Variants in TMEM132C observed in about 807,000 individuals in gnomAD.
TMEM132C encodes transmembrane protein 132C.
A neutral mutation model predicts 61.4 loss-of-function variants in TMEM132C; 29 were observed. That is an observed-to-expected ratio of 0.47 (90% CI 0.35 to 0.64). The LOEUF is 0.64. Among genes scored for constraint, TMEM132C ranks in the 30% least tolerant of loss-of-function variants. The pLI is 0.00. For synonymous variants in TMEM132C, 656 were observed against 633.1 expected (o/e 1.04, Z -0.54); for missense variants, 1,408 against 1,476.9 (o/e 0.95, Z 0.76).
At chr12:128,402,621 C>T (rs1334344225) in intron 1 of TMEM132C, among the ~76,000 whole-genome samples, 1 of 149,414 alleles carries the variant, frequency 6.7e-6, no homozygotes, top group African/African-American at 2.4e-5. Flanking sequence ...CAGAACCCAC[C>T]TGCAGACGGA....
chr12:128,333,326 G>A (rs565682280), intron 1 of TMEM132C, among the ~76,000 whole-genome samples: 5 of 152,118 alleles, frequency 3.3e-5, no homozygotes, highest in South Asian at 2.1e-4. Flanking sequence ...ATGTGTGTGC[G>A]AGTGTTGTGT....
chr12:128,467,587 G>A (rs956129247), intron 2 of TMEM132C, among the ~76,000 whole-genome samples: 20 of 152,210 alleles, frequency 1.3e-4, no homozygotes, highest in African/African-American at 3.9e-4. Context: ...CTCCAAGTTG[G>A]CCTCTCCATC....
At chr12:128,429,247 G>C (rs1869302587) in intron 2 of TMEM132C, among the ~76,000 whole-genome samples, 1 of 152,164 alleles carries the variant, frequency 6.6e-6, no homozygotes, top group South Asian at 2.1e-4. Flanking sequence ...ACAGAGATTA[G>C]AGATAGTGCT....
intron 2 of TMEM132C, among the ~76,000 whole-genome samples, chr12:128,470,184 T>A (rs934895912): frequency 1.3e-5 from 2 of 152,140 alleles, no homozygotes; most frequent in African/African-American, 4.8e-5. Context: ...CCTCATTTCA[T>A]TTTTGCGGGG....
intron 4 of TMEM132C, 97 bp from the exon 5 acceptor site, chr12:128,669,320 C>A: frequency 7.0e-7 from 1 of 1,420,246 alleles, no homozygotes; most frequent in Non-Finnish European, 9.5e-7. Flanking sequence ...ACAAGGACAG[C>A]CTGGTGTTTA....
At chr12:128,657,017 C>G (rs74944230) in intron 4 of TMEM132C, among the ~76,000 whole-genome samples, 8,865 of 152,266 alleles carry the variant, frequency 0.058, 321 homozygotes, top group Middle Eastern at 0.13. Context: ...TCTCCAAAAT[C>G]TCTTCCTAGA....
At chr12:128,606,608 G>A (rs1343498381) in intron 3 of TMEM132C, among the ~76,000 whole-genome samples, 1 of 152,218 alleles carries the variant, frequency 6.6e-6, no homozygotes, top group Non-Finnish European at 1.5e-5. Flanking sequence ...CTGTGGTGCA[G>A]CTGCCCCTAA....
chr12:128,463,237 G>A (rs142344497), intron 2 of TMEM132C, among the ~76,000 whole-genome samples: 2,536 of 152,196 alleles, frequency 0.017, 64 homozygotes, highest in African/African-American at 0.057. Flanking sequence ...TCTGCTTGCT[G>A]TAGAAGCTGG....
intron 1 of TMEM132C, among the ~76,000 whole-genome samples, chr12:128,388,807 G>T (rs115491970): frequency 6.6e-6 from 1 of 152,246 alleles, no homozygotes; most frequent in Non-Finnish European, 1.5e-5. Context: ...GTTTATTTCG[G>T]TTGCCCTAGT....
intron 3 of TMEM132C, among the ~76,000 whole-genome samples, chr12:128,555,777 C>A (rs567849829): frequency 2.0e-5 from 3 of 151,466 alleles, no homozygotes; most frequent in Admixed American, 6.6e-5. Context: ...TGCAGTGGCA[C>A]GGTCATGGCT....
intron 2 of TMEM132C, among the ~76,000 whole-genome samples, chr12:128,447,734 T>TG: frequency 1.1e-5 from 1 of 89,396 alleles, no homozygotes; most frequent in Non-Finnish European, 2.1e-5. Flanking sequence ...TTTTTTTTTT[T>TG]TTTGAGACGG....
intron 1 of TMEM132C, among the ~76,000 whole-genome samples, chr12:128,295,997 T>C (rs1230034572): frequency 6.6e-6 from 1 of 152,188 alleles, no homozygotes; most frequent in Non-Finnish European, 1.5e-5. Flanking sequence ...TGAGTGAACA[T>C]TGGTTTTCTC....
intron 1 of TMEM132C, among the ~76,000 whole-genome samples, chr12:128,372,034 C>A (rs1196899350): frequency 1.3e-5 from 2 of 152,214 alleles, no homozygotes; most frequent in Non-Finnish European, 2.9e-5. Flanking sequence ...CCAATAAGAT[C>A]TCTTATGCCT....
At chr12:128,337,839 T>A (rs1872831024) in intron 1 of TMEM132C, among the ~76,000 whole-genome samples, 1 of 152,236 alleles carries the variant, frequency 6.6e-6, no homozygotes, top group South Asian at 2.1e-4. Context: ...GCTTAATTCC[T>A]TCCTTGTGGA....
chr12:128,466,143 A>G (rs545241373), intron 2 of TMEM132C, among the ~76,000 whole-genome samples: 1 of 152,328 alleles, frequency 6.6e-6, no homozygotes, highest in East Asian at 1.9e-4. Flanking sequence ...GAAATGAGAC[A>G]GCGATGCCGC....
intron 2 of TMEM132C, among the ~76,000 whole-genome samples, chr12:128,445,111 T>A (rs1254985329): frequency 6.6e-6 from 1 of 152,098 alleles, no homozygotes; most frequent in Admixed American, 6.5e-5. Flanking sequence ...ATTCTTGAAC[T>A]GTTTCCAAAA....
rs562622403 is a variant in TMEM132C at position 128,582,255 on chromosome 12, A to G, written c.1122-33897A>G. On this transcript the variant is annotated intron_variant, in intron 3 of 8. Transcript: ENST00000435159. ...ATTAAACCTGGGAAAAGATATTCAT[A>G]CCACTGGGAATTAAGGAAATGCACA... 3.0e-3 allele frequency among the ~76,000 whole-genome samples: 459 copies of G among 152,350 alleles called. 2 individuals are homozygous for G. Among genetic ancestry groups the G allele is most frequent in the African/African-American group, 0.011 (439 of 41,576 alleles).
chr12:128,306,118 A>C (rs1871766152), intron 1 of TMEM132C, among the ~76,000 whole-genome samples: 1 of 152,190 alleles, frequency 6.6e-6, no homozygotes, highest in Non-Finnish European at 1.5e-5. Flanking sequence ...CTTCCCAAGA[A>C]AGACTTCCAT....
intron 4 of TMEM132C, among the ~76,000 whole-genome samples, chr12:128,631,489 A>T (rs891078809): frequency 2.0e-5 from 3 of 152,172 alleles, no homozygotes; most frequent in Admixed American, 1.3e-4. Flanking sequence ...TCCTCCAGTG[A>T]TGGGGCTACT....
Sources: gnomAD v4.1 joint callset for allele counts (sites outside exome capture counted in the v4.1 genomes callset) on GRCh38, gnomAD v4.1.1 for gene constraint, MANE v1.5 for transcripts, NCBI Gene and HGNC (gene_info 2026-07-23, HGNC 2026-07-21) for gene names.